The following AGBL1 variants were observed in gnomAD, a reference collection of about 807,000 sequenced individuals.
The protein encoded by AGBL1 is AGBL carboxypeptidase 1.
AGBL1 carries 130 observed loss-of-function variants against 118.9 expected under a neutral mutation model. The ratio of observed to expected loss-of-function variants is 1.09; its 90% CI spans 0.95 to 1.26. The LOEUF is 1.26. Ranked by LOEUF, AGBL1 falls within the 50% of genes most tolerant of loss-of-function variation. The pLI is 0.00. For synonymous variants in AGBL1, 555 were observed against 478.9 expected, an observed-to-expected ratio of 1.16 and a Z score of -2.08; for missense variants, 1,584 against 1,298.1, an observed-to-expected ratio of 1.22 and a Z score of -3.38.
intron 22 of AGBL1, among the ~76,000 whole-genome samples, chr15:86,724,936 C>T (rs2142732694): frequency 6.6e-6 from 1 of 152,292 alleles, no homozygotes; most frequent in Non-Finnish European, 1.5e-5. Flanking sequence ...CCTGTGCAGC[C>T]TGCAGAACCA....
At chr15:86,641,255 A>G (rs1266434505) in intron 21 of AGBL1, among the ~76,000 whole-genome samples, 1 of 152,124 alleles carries the variant, frequency 6.6e-6, no homozygotes, top group Non-Finnish European at 1.5e-5. Context: ...TTTTCCAAAA[A>G]TTATTGTGAT....
At chr15:86,114,387 C>T (rs776919682) in intron 1 of AGBL1, among the ~76,000 whole-genome samples, 13 of 152,140 alleles carry the variant, frequency 8.5e-5, no homozygotes, top group Non-Finnish European at 1.6e-4. Context: ...CCTGCGTCTT[C>T]TACTCTGGTC....
At chr15:86,745,930 T>G (rs2077750134) in intron 22 of AGBL1, among the ~76,000 whole-genome samples, 1 of 152,032 alleles carries the variant, frequency 6.6e-6, no homozygotes, top group Non-Finnish European at 1.5e-5. Flanking sequence ...GCACATCTGG[T>G]CTAAGATACT....
intron 22 of AGBL1, among the ~76,000 whole-genome samples, chr15:86,878,268 C>A (rs2079841750): frequency 6.6e-6 from 1 of 152,150 alleles, no homozygotes. Context: ...TTAATCTTTG[C>A]AAGTCATAGG....
intron 18 of AGBL1, among the ~76,000 whole-genome samples, chr15:86,419,725 C>T (rs1466097406): frequency 6.6e-6 from 1 of 152,180 alleles, no homozygotes; most frequent in Non-Finnish European, 1.5e-5. Flanking sequence ...TTGAAATTCT[C>T]GCTGCCAGCA....
At chr15:86,675,848 G>C (rs1165140830) in intron 22 of AGBL1, among the ~76,000 whole-genome samples, 1 of 152,006 alleles carries the variant, frequency 6.6e-6, no homozygotes, top group Non-Finnish European at 1.5e-5. Flanking sequence ...GCTTGCTTTC[G>C]TCAAATTGAT....
chr15:86,999,052 G>C (rs2081407695), intron 24 of AGBL1, among the ~76,000 whole-genome samples: 1 of 150,830 alleles, frequency 6.6e-6, no homozygotes, highest in Non-Finnish European at 1.5e-5. Context: ...TCCCCTTCCT[G>C]TGTCCAAGTG....
At chr15:86,332,475 T>A (rs1401888368) in intron 17 of AGBL1, among the ~76,000 whole-genome samples, 1 of 151,802 alleles carries the variant, frequency 6.6e-6, no homozygotes, top group Non-Finnish European at 1.5e-5. Flanking sequence ...TGAAACCCTG[T>A]CTCTACTAAA....
chr15:86,535,080 T>G (rs2083406196), intron 19 of AGBL1, among the ~76,000 whole-genome samples: 1 of 152,098 alleles, frequency 6.6e-6, no homozygotes, highest in Non-Finnish European at 1.5e-5. Context: ...TAAAATGCAA[T>G]GAGGAGACAA....
intron 5 of AGBL1, among the ~76,000 whole-genome samples, chr15:86,214,044 T>C (rs760183187): frequency 1.3e-5 from 2 of 152,220 alleles, no homozygotes; most frequent in African/African-American, 4.8e-5. Flanking sequence ...AATGACAACG[T>C]TTTGAAATGC....
At chr15:86,230,797 T>C (rs879927458) in intron 6 of AGBL1, among the ~76,000 whole-genome samples, 5 of 152,240 alleles carry the variant, frequency 3.3e-5, no homozygotes, top group African/African-American at 7.2e-5. Context: ...GTAGACATTG[T>C]GATGGTTGAA....
chr15:86,855,427 C>T lies in AGBL1; in HGVS notation c.3159-51660C>T, dbSNP rs542093199. On this transcript the variant is annotated intron_variant, in intron 22 of 22. Transcript: ENST00000614907. The stretch of plus-strand genomic sequence containing the variant: ...GCTTGAATGATATGTGTGGGTCTTC[C>T]TCATAGATTTGGGGTTAAGCAATCC... 4.6e-5 allele frequency among the ~76,000 whole-genome samples: 7 copies of T among 152,192 alleles called. No individual in the cohort carries two copies. The East Asian group carries it at 1.4e-3, about 29-fold the overall frequency.
intron 22 of AGBL1, among the ~76,000 whole-genome samples, chr15:86,902,080 G>T (rs553097861): frequency 6.6e-6 from 1 of 152,194 alleles, no homozygotes; most frequent in Admixed American, 6.5e-5. Context: ...GAACTATCAT[G>T]TGCAGGTTTC....
chr15:86,794,291 T>C (rs951906399), intron 22 of AGBL1, among the ~76,000 whole-genome samples: 19 of 152,212 alleles, frequency 1.2e-4, no homozygotes, highest in African/African-American at 3.4e-4. Flanking sequence ...AGTACTGATA[T>C]AGGCTACAAC....
At chr15:86,460,814 A>G (rs1038674987) in intron 18 of AGBL1, among the ~76,000 whole-genome samples, 2 of 152,248 alleles carry the variant, frequency 1.3e-5, no homozygotes, top group Admixed American at 1.3e-4. Context: ...ACTTGACCTC[A>G]TACATCCTTT....
intron 5 of AGBL1, among the ~76,000 whole-genome samples, chr15:86,182,120 C>T (rs1597504636): frequency 6.6e-6 from 1 of 151,864 alleles, no homozygotes; most frequent in South Asian, 2.1e-4. Flanking sequence ...GGACTGGTTT[C>T]GGTGGGACAA....
At chr15:86,136,414 A>G (rs1301995729) in intron 1 of AGBL1, among the ~76,000 whole-genome samples, 1 of 152,204 alleles carries the variant, frequency 6.6e-6, no homozygotes, top group East Asian at 1.9e-4. Flanking sequence ...TTGGTGGGGC[A>G]CCAATCATGT....
At chr15:86,890,883 G>C (rs1333493747) in intron 22 of AGBL1, among the ~76,000 whole-genome samples, 2 of 152,064 alleles carry the variant, frequency 1.3e-5, no homozygotes, top group African/African-American at 2.4e-5. Context: ...CTCTTTTTTA[G>C]TTTCATATGA....
intron 5 of AGBL1, among the ~76,000 whole-genome samples, chr15:86,179,011 C>T (rs548221206): frequency 6.6e-6 from 1 of 152,290 alleles, no homozygotes; most frequent in South Asian, 2.1e-4. Flanking sequence ...AGGTTAGCAT[C>T]ATCTGGTTGT....
Sources: allele counts gnomAD v4.1 joint callset (sites outside exome capture counted in the v4.1 genomes callset), GRCh38; gene constraint gnomAD v4.1.1; transcripts MANE v1.5; gene names NCBI Gene and HGNC (gene_info 2026-07-23, HGNC 2026-07-21).